The following NR2C2 variants were observed in gnomAD, a reference collection of about 807,000 sequenced individuals.
NR2C2 encodes nuclear receptor subfamily 2 group C member 2.
A neutral mutation model predicts 62.9 loss-of-function variants in NR2C2; 6 were observed. The observed-to-expected ratio is 0.10, with a 90% CI of 0.05 to 0.19. The LOEUF (loss-of-function observed/expected upper bound fraction) is 0.19. Among genes scored for constraint, NR2C2 ranks in the 10% least tolerant of loss-of-function variants. The pLI is 1.00. For synonymous variants in NR2C2, 272 were observed against 273.8 expected (o/e 0.99, Z 0.07); for missense variants, 479 against 762.7 (o/e 0.63, Z 4.38).
At chr3:14,954,218 G>A (rs553048104) in intron 1 of NR2C2, among the ~76,000 whole-genome samples, 1 of 152,050 alleles carries the variant, frequency 6.6e-6, no homozygotes, top group Non-Finnish European at 1.5e-5. Context: ...AACTGGAAAG[G>A]CTAATAATTA....
At chr3:15,041,810 T>G (rs1054133283) in intron 13 of NR2C2, among the ~76,000 whole-genome samples, 8 of 152,104 alleles carry the variant, frequency 5.3e-5, no homozygotes, top group African/African-American at 1.7e-4. Flanking sequence ...TGAGCTGTGA[T>G]CACATCACTC....
rs2042337445 is a variant in NR2C2 at position 15,043,332 on chromosome 3, TGAAA to T, written c.*328_*331del. 5.7e-6 allele frequency: 1 copy of T among 175,254 alleles called. No homozygotes were observed. Among genetic ancestry groups the T allele is most frequent in the African/African-American group, 2.4e-5 (1 of 42,128 alleles). The allele number at this position is 175,254 out of a possible 1,614,324, so 10.9% of individuals were successfully genotyped here. On this transcript the variant is annotated 3_prime_UTR_variant, in exon 14 of 14. Coordinates refer to ENST00000425241, the MANE Select transcript of NR2C2 (RefSeq NM_001291694.2). ...GTCAGAGACTAGTATTAAAGAAAACTGAAAGAACCTGAGAGAATAGTATGTGTGT... is the reference window on the plus strand; with the variant it reads ...GTCAGAGACTAGTATTAAAGAAAACTGAACCTGAGAGAATAGTATGTGTGT...
chr3:14,960,420 A>G (rs753975944), intron 1 of NR2C2, among the ~76,000 whole-genome samples: 3 of 152,162 alleles, frequency 2.0e-5, no homozygotes, highest in Non-Finnish European at 2.9e-5. Context: ...CCTGAAGTTG[A>G]TTGATCCTGC....
At chr3:14,974,590 A>G (rs1002114920) in intron 1 of NR2C2, among the ~76,000 whole-genome samples, 1 of 147,916 alleles carries the variant, frequency 6.8e-6, no homozygotes, top group African/African-American at 2.5e-5. Context: ...TTCGGTGTAT[A>G]CTTATGGTTT....
intron 4 of NR2C2, among the ~76,000 whole-genome samples, chr3:15,019,996 A>AT (rs1396605789): frequency 6.6e-6 from 1 of 152,258 alleles, no homozygotes; most frequent in Non-Finnish European, 1.5e-5. Context: ...ATATATTGAA[A>AT]TATCAAATTA....
At position 15,045,820 on chromosome 3, in the gene NR2C2, A is replaced by G. The variant is rs1559319429; in HGVS notation, c.*2812A>G. The G allele has an allele frequency of 2.0e-5, 3 of 152,468 alleles. No homozygotes were observed. The South Asian group carries it at 6.2e-4, about 32-fold the overall frequency. 9.4% of individuals were successfully genotyped at this position (152,468 alleles called of 1,614,324 possible). On this transcript the variant is annotated 3_prime_UTR_variant, in exon 14 of 14. Coordinates refer to ENST00000425241, the MANE Select transcript of NR2C2 (RefSeq NM_001291694.2). ...TCTGGCTACTGAACTCCATGGAGCC[A>G]CGTTCATGCTCCCTCTTCTACTGGC...
chr3:15,019,353 T>C (rs2041606744), intron 4 of NR2C2, among the ~76,000 whole-genome samples: 1 of 152,180 alleles, frequency 6.6e-6, no homozygotes, highest in Non-Finnish European at 1.5e-5. Flanking sequence ...TATAGAAAAC[T>C]GTATGGAGGT....
At chr3:14,978,917 A>G (rs1014392986) in intron 1 of NR2C2, among the ~76,000 whole-genome samples, 1 of 152,158 alleles carries the variant, frequency 6.6e-6, no homozygotes, top group African/African-American at 2.4e-5. Flanking sequence ...TACCACATTC[A>G]ACCAGTCCTC....
chr3:14,948,487 G>A (rs140142440), intron 1 of NR2C2: 23 of 152,198 alleles, frequency 1.5e-4, no homozygotes, highest in African/African-American at 5.1e-4. Flanking sequence ...GCCCCCCTAA[G>A]CTTTGCTGAT....
intron 6 of NR2C2, 139 bp downstream of exon 6, chr3:15,023,486 T>TGGAGC: frequency 3.2e-6 from 3 of 943,780 alleles, no homozygotes; most frequent in Non-Finnish European, 4.8e-6. Context: ...CTGCCCCTTC[T>TGGAGC]GGAGCTGCTC....
At chr3:15,036,604 C>T (rs1211811563) in intron 11 of NR2C2, among the ~76,000 whole-genome samples, 1 of 152,172 alleles carries the variant, frequency 6.6e-6, no homozygotes, top group African/African-American at 2.4e-5. Context: ...ATCCTCCTGC[C>T]TCAGCCTCCC....
intron 1 of NR2C2, among the ~76,000 whole-genome samples, chr3:14,976,624 T>TTTTTC (rs71630876): frequency 6.8e-6 from 1 of 148,092 alleles, no homozygotes; most frequent in African/African-American, 2.5e-5. Context: ...TTTTTTTTTT[T>TTTTTC]GATGGACAGC....
chr3:15,009,047 C>T (rs1486533791), intron 2 of NR2C2, among the ~76,000 whole-genome samples: 2 of 151,816 alleles, frequency 1.3e-5, no homozygotes, highest in Non-Finnish European at 2.9e-5. Context: ...ATGGAGAAAT[C>T]CCATCTCTAC....
In NR2C2 at chr3:15,003,948, T is replaced by C; in HGVS notation, c.34T>C (p.Ser12Pro). 1 of 1,613,730 alleles carries C rather than the reference T, an allele frequency of 6.2e-7. No homozygotes were observed. Among genetic ancestry groups the C allele is most frequent in the African/African-American group, 1.3e-5 (1 of 74,964 alleles). Residue 12 changes from serine (S) to proline (P), a missense_variant, in exon 2 of 14, where the codon TCC (serine) becomes CCC (proline). Ser to Pro is a moderately conservative substitution (Grantham distance 74, BLOSUM62 -1). This residue lies in a region of NR2C2 where 115 missense variants were observed against 152.3 expected (regional missense o/e 0.76). Coordinates refer to ENST00000425241, the MANE Select transcript of NR2C2 (RefSeq NM_001291694.2). ...TSPSPRIQII[S>P]TDSAVASPQR... ...CCCCTCCCCACGCATCCAGATAATC[T>C]CCACCGACTCTGCTGTAGCCTCACC...
At chr3:14,951,967 C>G (rs7625812) in intron 1 of NR2C2, among the ~76,000 whole-genome samples, 10,940 of 152,252 alleles carry the variant, frequency 0.072, 436 homozygotes, top group Middle Eastern at 0.099. Context: ...AGGATGGTCT[C>G]AAACTCCTGA....
At chr3:14,980,431 A>T (rs1020992034) in intron 1 of NR2C2, among the ~76,000 whole-genome samples, 6 of 152,060 alleles carry the variant, frequency 3.9e-5, no homozygotes, top group Non-Finnish European at 8.8e-5. Flanking sequence ...CCAAAGTGTT[A>T]GGATTATAGG....
At chr3:14,959,459 C>A (rs987729951) in intron 1 of NR2C2, 4 of 152,132 alleles carry the variant, frequency 2.6e-5, no homozygotes, top group African/African-American at 4.8e-5. Flanking sequence ...ATTGAAAGCA[C>A]TTGCTTTAAC....
intron 1 of NR2C2, chr3:14,948,292 C>T (rs2039203270): frequency 6.6e-6 from 1 of 152,546 alleles, no homozygotes; most frequent in South Asian, 2.1e-4. Flanking sequence ...CTTCTTCCTT[C>T]TCTGCCGGGA....
chr3:14,962,840 T>C (rs1169988758), intron 1 of NR2C2, among the ~76,000 whole-genome samples: 10 of 152,172 alleles, frequency 6.6e-5, no homozygotes, highest in African/African-American at 2.4e-4. Context: ...TATGGAATAG[T>C]AGAAGACGTG....
Sources: gnomAD v4.1 joint callset for allele counts (sites outside exome capture counted in the v4.1 genomes callset) on GRCh38, gnomAD v4.1.1 for gene constraint, gnomAD v4.1.1 regional missense constraint, MANE v1.5 for transcripts, NCBI Gene and HGNC (gene_info 2026-07-23, HGNC 2026-07-21) for gene names.